EYS: variants seen among roughly 807,000 people sequenced by gnomAD.
The protein encoded by EYS is protein eyes shut homolog.
In EYS, 250 loss-of-function variants were observed where a neutral mutation model predicts 282.1. The ratio of observed to expected loss-of-function variants is 0.89; its 90% CI spans 0.80 to 0.98. EYS has a LOEUF of 0.98. Ranked by LOEUF, EYS falls within the 50% of genes least tolerant of loss-of-function variation. The pLI, the probability that EYS is intolerant of heterozygous loss-of-function variation, is 0.00. For synonymous variants in EYS, 1,355 were observed against 1,282.9 expected, an observed-to-expected ratio of 1.06 and a Z score of -1.20; for missense variants, 4,016 against 3,709.0, an observed-to-expected ratio of 1.08 and a Z score of -2.15.
At position 64,848,512 on chromosome 6, in the gene EYS, CAG is replaced by C. The variant is rs1451301365; in HGVS notation, c.2993-25692_2993-25691del. Among the ~76,000 whole-genome samples, 4 of 151,860 alleles carry C rather than the reference CAG, an allele frequency of 2.6e-5. No individual in the cohort carries two copies. The East Asian group carries it at 5.8e-4, about 22-fold the overall frequency. ...TTAACTGCATTGCTAGGAGATTGAACAGAGAGACTGATAACGAATGCGTGATG... is the reference window on the plus strand; with the variant it reads ...TTAACTGCATTGCTAGGAGATTGAACAGAGACTGATAACGAATGCGTGATG... On this transcript the variant is annotated intron_variant, in intron 19 of 42. Transcript: ENST00000503581.
At chr6:64,191,309 T>G (rs1470308886) in intron 31 of EYS, among the ~76,000 whole-genome samples, 1 of 151,934 alleles carries the variant, frequency 6.6e-6, no homozygotes. Context: ...ATAGCCTTAT[T>G]CTTTTTCATT....
At chr6:64,534,697 T>C (rs1055172580) in intron 26 of EYS, among the ~76,000 whole-genome samples, 1 of 152,200 alleles carries the variant, frequency 6.6e-6, no homozygotes, top group Non-Finnish European at 1.5e-5. Context: ...GCTGTTCCAA[T>C]TAATTATTTT....
intron 33 of EYS, among the ~76,000 whole-genome samples, chr6:64,015,378 T>C (rs998619992): frequency 8.5e-5 from 13 of 152,204 alleles, no homozygotes; most frequent in Admixed American, 8.5e-4. Flanking sequence ...GCAAGGCTCA[T>C]AGGCTCAAGA....
intron 12 of EYS, among the ~76,000 whole-genome samples, chr6:65,221,796 C>T (rs1442474843): frequency 1.3e-5 from 2 of 152,170 alleles, no homozygotes; most frequent in Non-Finnish European, 2.9e-5. Flanking sequence ...CCCATGAAAG[C>T]AGCTTGGAGG....
chr6:65,466,210 A>G (rs1764993717), intron 5 of EYS, among the ~76,000 whole-genome samples: 1 of 152,092 alleles, frequency 6.6e-6, no homozygotes, highest in South Asian at 2.1e-4. Flanking sequence ...ATTGGAACTA[A>G]AAAAGGCATT....
chr6:64,251,489 A>G (rs1291181726), intron 30 of EYS, among the ~76,000 whole-genome samples: 1 of 152,156 alleles, frequency 6.6e-6, no homozygotes, highest in Non-Finnish European at 1.5e-5. Flanking sequence ...TCAAAGAAGA[A>G]GAGTGTGACT....
chr6:63,880,514 T>G (rs1773104643), intron 35 of EYS, among the ~76,000 whole-genome samples: 1 of 151,892 alleles, frequency 6.6e-6, no homozygotes, highest in Admixed American at 6.6e-5. Flanking sequence ...TATCTATCTA[T>G]CTATCTATCT....
chr6:63,934,152 C>A (rs899530866), intron 35 of EYS, among the ~76,000 whole-genome samples: 1 of 152,140 alleles, frequency 6.6e-6, no homozygotes, highest in African/African-American at 2.4e-5. Flanking sequence ...TGAAAAAATG[C>A]TCATCATCAC....
intron 12 of EYS, among the ~76,000 whole-genome samples, chr6:65,155,385 G>A (rs1764708641): frequency 6.6e-6 from 1 of 151,384 alleles, no homozygotes; most frequent in African/African-American, 2.4e-5. Flanking sequence ...TTCCTTTAAA[G>A]CTTTCAAATT....
chr6:64,536,106 T>C (rs1764509538), intron 26 of EYS, among the ~76,000 whole-genome samples: 1 of 152,072 alleles, frequency 6.6e-6, no homozygotes, highest in African/African-American at 2.4e-5. Context: ...TATTTTTATA[T>C]AAATATGTCA....
intron 11 of EYS, among the ~76,000 whole-genome samples, chr6:65,334,021 T>C (rs1364290953): frequency 6.6e-6 from 1 of 151,736 alleles, no homozygotes; most frequent in Admixed American, 6.6e-5. Context: ...GTGTATCTTC[T>C]ATAGATCATA....
In EYS at chr6:65,295,912, A is replaced by G. The variant is rs1768648758; in HGVS notation, c.1974T>C (p.Ser658=). ...KSASCKNGTT[S]THLRGYFFRK... ...GGAAGAAATATCCCCTTAAATGTGTACTAGTTGTTCCATTTTTGCAGGACG... is the reference window on the plus strand; with the variant it reads ...GGAAGAAATATCCCCTTAAATGTGTGCTAGTTGTTCCATTTTTGCAGGACG... The change falls in exon 12 of 43, where the codon AGT becomes AGC. Residue 658 remains serine, a synonymous_variant. Transcript: ENST00000503581. 4.5e-6 allele frequency: 7 copies of G among 1,550,816 alleles called. No homozygotes were observed. In the South Asian group the frequency reaches 4.8e-5, roughly 11 times the overall value.
chr6:65,618,324 T>C (rs553545345), intron 2 of EYS, among the ~76,000 whole-genome samples: 3 of 152,278 alleles, frequency 2.0e-5, no homozygotes, highest in South Asian at 4.1e-4. Flanking sequence ...CATTTTTTCA[T>C]GTGTTTTTCG....
chr6:63,869,034 T>C (rs187395085), intron 35 of EYS, among the ~76,000 whole-genome samples: 2 of 152,276 alleles, frequency 1.3e-5, no homozygotes, highest in East Asian at 3.9e-4. Flanking sequence ...CCAAAATTAC[T>C]TTGTGGTGGC....
chr6:64,810,152 T>C (rs1764549745), intron 22 of EYS, among the ~76,000 whole-genome samples: 1 of 151,876 alleles, frequency 6.6e-6, no homozygotes, highest in Non-Finnish European at 1.5e-5. Context: ...TCCCCTGACT[T>C]GAAGAAATAA....
intron 35 of EYS, among the ~76,000 whole-genome samples, chr6:63,885,598 T>C (rs1210382371): frequency 1.3e-5 from 2 of 152,194 alleles, no homozygotes; most frequent in Non-Finnish European, 2.9e-5. Flanking sequence ...GATTTTAGTC[T>C]AAATTAGTAG....
chr6:63,979,114 C>T (rs1262796391), intron 35 of EYS, among the ~76,000 whole-genome samples: 1 of 151,808 alleles, frequency 6.6e-6, no homozygotes, highest in Non-Finnish European at 1.5e-5. Flanking sequence ...CATTTGTTGC[C>T]CTAGTGCAGT....
At chr6:65,690,284 G>A (rs1426432215) in intron 1 of EYS, among the ~76,000 whole-genome samples, 2 of 150,100 alleles carry the variant, frequency 1.3e-5, no homozygotes, top group African/African-American at 4.9e-5. Flanking sequence ...TAGACAACCA[G>A]TTAGACCAGA....
At chr6:64,529,088 T>C (rs370383516) in intron 26 of EYS, among the ~76,000 whole-genome samples, 25 of 151,976 alleles carry the variant, frequency 1.6e-4, no homozygotes, top group African/African-American at 6.0e-4. Context: ...AGAACCAGTG[T>C]TCCCTAGGGC....
Sources: allele counts gnomAD v4.1 joint callset (sites outside exome capture counted in the v4.1 genomes callset), GRCh38; gene constraint gnomAD v4.1.1; transcripts MANE v1.5; gene names NCBI Gene and HGNC (gene_info 2026-07-23, HGNC 2026-07-21).